NKAIN3: variants seen among roughly 807,000 people sequenced by gnomAD.
NKAIN3 encodes sodium/potassium-transporting ATPase subunit beta-1-interacting protein 3.
Under a neutral mutation model 30.2 loss-of-function variants are expected in NKAIN3, and 25 were observed. The ratio of observed to expected loss-of-function variants is 0.83; its 90% confidence interval spans 0.60 to 1.16. The LOEUF (loss-of-function observed/expected upper bound fraction) is 1.16, where lower values mean the gene tolerates loss of function less well. NKAIN3 is among the 50% of genes most tolerant of loss of function. The pLI, the probability that NKAIN3 is intolerant of heterozygous loss-of-function variation, is 0.00. For missense variants in NKAIN3, 225 were observed against 254.1 expected (o/e 0.89, Z 0.78); for synonymous variants, 91 against 89.6 (o/e 1.02, Z -0.09).
chr8:62,466,414 T>C (rs1806166091), intron 1 of NKAIN3, among the ~76,000 whole-genome samples: 1 of 152,174 alleles, frequency 6.6e-6, no homozygotes, highest in South Asian at 2.1e-4. Context: ...ATGTAGATAC[T>C]TAGTACTCAG....
chr8:62,826,375 G>C (rs951333001), intron 4 of NKAIN3, among the ~76,000 whole-genome samples: 1 of 152,096 alleles, frequency 6.6e-6, no homozygotes, highest in African/African-American at 2.4e-5. Flanking sequence ...CATTTATTAT[G>C]ATGGCAGATC....
chr8:62,798,124 C>G (rs969647795), intron 4 of NKAIN3, among the ~76,000 whole-genome samples: 24 of 152,130 alleles, frequency 1.6e-4, no homozygotes, highest in African/African-American at 5.3e-4. Flanking sequence ...AGGTGGACCT[C>G]AAATCCAAGC....
rs564475973 is a variant in NKAIN3 at position 62,915,718 on chromosome 8, G to T, written c.472-2735G>T. Among the ~76,000 whole-genome samples, 18 of 152,072 alleles carry T rather than the reference G, an allele frequency of 1.2e-4. No individual in the cohort carries two copies. In the South Asian group the frequency reaches 3.3e-3, roughly 28 times the overall value. On this transcript the variant is annotated intron_variant, in intron 4 of 6. Transcript: ENST00000623646. ...CCAAGAACTAGAAAGTTGTTTGCTG[G>T]CAAAAGCCTTCTAACATATGGTTTA...
At chr8:62,667,062 C>T (rs1163059927) in intron 3 of NKAIN3, among the ~76,000 whole-genome samples, 3 of 147,514 alleles carry the variant, frequency 2.0e-5, no homozygotes, top group Non-Finnish European at 3.0e-5. Flanking sequence ...CAGAGCAGCA[C>T]ACCGCTTTTC....
At chr8:62,579,498 G>T (rs181467455) in intron 1 of NKAIN3, 41 bp from the exon 2 acceptor site, 2 of 1,523,746 alleles carry the variant, frequency 1.3e-6, no homozygotes, top group Non-Finnish European at 1.8e-6. Flanking sequence ...GTATGATGAT[G>T]CTTGGATTCA....
At chr8:62,363,010 T>C (rs1280580117) in intron 1 of NKAIN3, among the ~76,000 whole-genome samples, 1 of 152,182 alleles carries the variant, frequency 6.6e-6, no homozygotes, top group Non-Finnish European at 1.5e-5. Flanking sequence ...GTTTTCAGTC[T>C]TGTCTACCTA....
intron 1 of NKAIN3, among the ~76,000 whole-genome samples, chr8:62,574,940 A>T (rs1354910212): frequency 1.4e-5 from 2 of 146,332 alleles, no homozygotes; most frequent in Non-Finnish European, 3.0e-5. Flanking sequence ...AAAAACCTTT[A>T]AAAAAAAAAC....
chr8:62,988,010 G>A (rs574589233), downstream of NKAIN3, among the ~76,000 whole-genome samples: 1 of 152,270 alleles, frequency 6.6e-6, no homozygotes, highest in South Asian at 2.1e-4. Context: ...AAACCAAAGG[G>A]CTATAGGCCC....
In NKAIN3 at chr8:62,526,835, G is replaced by A. The variant is rs73683324; in HGVS notation, c.55-52704G>A. On this transcript the variant is annotated intron_variant, in intron 1 of 6. Coordinates refer to ENST00000623646, the MANE Select transcript of NKAIN3 (RefSeq NM_001304533.3). ...AGTTCTTTCCACCCATTTGGTTAAGGCTTAGCCCGCAGCGATCAGCTCAGC... is the reference window on the plus strand; with the variant it reads ...AGTTCTTTCCACCCATTTGGTTAAGACTTAGCCCGCAGCGATCAGCTCAGC... Among the ~76,000 whole-genome samples the A allele has an allele frequency of 2.7e-3, 412 of 152,112 alleles. 1 individual carries two copies. Among genetic ancestry groups the A allele is most frequent in the African/African-American group, 9.4e-3 (391 of 41,506 alleles).
intron 3 of NKAIN3, among the ~76,000 whole-genome samples, chr8:62,666,376 A>T (rs1813101196): frequency 6.6e-6 from 1 of 152,178 alleles, no homozygotes; most frequent in African/African-American, 2.4e-5. Context: ...CAAAGTAAAA[A>T]CAGAATTATC....
intron 4 of NKAIN3, among the ~76,000 whole-genome samples, chr8:62,835,902 G>T (rs1010556594): frequency 2.0e-5 from 3 of 152,006 alleles, no homozygotes; most frequent in African/African-American, 7.2e-5. Flanking sequence ...TCATTGCAGT[G>T]CTATTCACAA....
At chr8:62,436,800 A>G (rs576907501) in intron 1 of NKAIN3, among the ~76,000 whole-genome samples, 4 of 152,168 alleles carry the variant, frequency 2.6e-5, no homozygotes, top group African/African-American at 7.2e-5. Flanking sequence ...AGGTTAAGGA[A>G]GAAGTGCATT....
chr8:62,806,212 T>C (rs1187319728), intron 4 of NKAIN3, among the ~76,000 whole-genome samples: 1 of 152,220 alleles, frequency 6.6e-6, no homozygotes, highest in Non-Finnish European at 1.5e-5. Context: ...GGTGGGACTG[T>C]AAACTAGTTC....
chr8:62,535,857 A>G (rs986789570), intron 1 of NKAIN3, among the ~76,000 whole-genome samples: 2 of 152,100 alleles, frequency 1.3e-5, no homozygotes, highest in Admixed American at 6.6e-5. Context: ...CCACAATCAG[A>G]AAGTCCAGGG....
At chr8:62,947,945 C>T (rs1823171901) in intron 5 of NKAIN3, among the ~76,000 whole-genome samples, 1 of 152,196 alleles carries the variant, frequency 6.6e-6, no homozygotes, top group Non-Finnish European at 1.5e-5. Flanking sequence ...CGTGCCAATA[C>T]ATGAGCAAAA....
intron 1 of NKAIN3, among the ~76,000 whole-genome samples, chr8:62,292,258 G>T (rs571351716): frequency 2.0e-5 from 3 of 152,154 alleles, no homozygotes; most frequent in Non-Finnish European, 4.4e-5. Flanking sequence ...ATTGTTATGT[G>T]TGAATTTGAT....
intron 3 of NKAIN3, among the ~76,000 whole-genome samples, chr8:62,633,915 G>A (rs920776117): frequency 5.9e-5 from 9 of 152,224 alleles, no homozygotes; most frequent in African/African-American, 2.2e-4. Context: ...TACAGCTGAT[G>A]CGGGCAATAA....
rs555788788 is a variant in NKAIN3, at chr8:62,971,319, T to G, written c.*5912T>G. ...AACCTGGGTATTATAGTCTTTATTC[T>G]TAATGACTTTATGCTTAACTAAAAA... is the stretch of plus-strand genomic sequence containing the variant. On this transcript the variant is annotated 3_prime_UTR_variant, in exon 7 of 7. Transcript: ENST00000623646. 6.6e-6 allele frequency among the ~76,000 whole-genome samples: 1 copy of G among 152,314 alleles called. No homozygotes were observed. Among genetic ancestry groups the G allele is most frequent in the Non-Finnish European group, 1.5e-5 (1 of 68,032 alleles).
intron 4 of NKAIN3, among the ~76,000 whole-genome samples, chr8:62,807,727 A>G (rs1339292900): frequency 6.7e-6 from 1 of 149,702 alleles, no homozygotes; most frequent in African/African-American, 2.4e-5. Flanking sequence ...TAATTTTTGT[A>G]TTTTTGGTAG....
Sources: gnomAD v4.1 joint callset for allele counts (sites outside exome capture counted in the v4.1 genomes callset) on GRCh38, gnomAD v4.1.1 for gene constraint, MANE v1.5 for transcripts, NCBI Gene and HGNC (gene_info 2026-07-23, HGNC 2026-07-21) for gene names.